The following TPRG1 variants were observed in gnomAD, a reference collection of about 807,000 sequenced individuals.
TPRG1 encodes the protein tumor protein p63 regulated 1.
In TPRG1, 29 loss-of-function variants were observed where a neutral mutation model predicts 29.3. The ratio of observed to expected loss-of-function variants is 0.99; its 90% CI spans 0.74 to 1.35. TPRG1 has a LOEUF of 1.35. Ranked by LOEUF, TPRG1 falls within the 40% of genes most tolerant of loss-of-function variation. The probability of loss-of-function intolerance (pLI) is 0.00; values close to 1 mark genes in which losing one functional copy is unlikely to be tolerated. For synonymous variants in TPRG1, 130 were observed against 116.8 expected (o/e 1.11, Z -0.73); for missense variants, 327 against 335.0 (o/e 0.98, Z 0.19).
chr3:189,110,283 G>A (rs988424272), intron 1 of TPRG1, among the ~76,000 whole-genome samples: 14 of 152,112 alleles, frequency 9.2e-5, no homozygotes, highest in African/African-American at 3.1e-4. Context: ...AAATAAATTC[G>A]TTATGTTAAG....
At chr3:189,111,557 C>A (rs1344875434) in intron 1 of TPRG1, among the ~76,000 whole-genome samples, 3 of 152,016 alleles carry the variant, frequency 2.0e-5, no homozygotes, top group African/African-American at 7.2e-5. Flanking sequence ...CAAATCTTGT[C>A]TAATAATTGT....
intron 3 of TPRG1, 167 bp from the exon 4 acceptor site, chr3:189,238,566 G>T: frequency 8.6e-6 from 4 of 464,058 alleles, no homozygotes; most frequent in Non-Finnish European, 1.5e-5. Flanking sequence ...CTTTAGTCAT[G>T]GGACCAGACT....
At chr3:189,301,224 G>T (rs546166621) in intron 4 of TPRG1, among the ~76,000 whole-genome samples, 2 of 148,538 alleles carry the variant, frequency 1.3e-5, no homozygotes, top group African/African-American at 5.0e-5. Flanking sequence ...ACTTGAACCT[G>T]GGAGGGAGAG....
chr3:189,111,064 C>T (rs1338586275), intron 1 of TPRG1, among the ~76,000 whole-genome samples: 2 of 151,312 alleles, frequency 1.3e-5, no homozygotes, highest in Admixed American at 6.6e-5. Flanking sequence ...TTTTCTCTGC[C>T]TTTCCTTGGA....
intron 4 of TPRG1, among the ~76,000 whole-genome samples, chr3:189,089,229 A>T (rs1424385959): frequency 1.3e-5 from 2 of 152,326 alleles, no homozygotes; most frequent in African/African-American, 4.8e-5. Flanking sequence ...AATAGAATTC[A>T]TCTGTAGAAT....
intron 4 of TPRG1, among the ~76,000 whole-genome samples, chr3:189,282,942 G>A (rs1717410649): frequency 1.3e-5 from 2 of 152,228 alleles, no homozygotes; most frequent in South Asian, 4.1e-4. Context: ...CTCTTAGTGT[G>A]TGGGTTTAAG....
At position 188,999,581 on chromosome 3, in the gene TPRG1, C is replaced by A. The variant is rs6783877; in HGVS notation, c.-1015-1193C>A. ...AAAATAACTTATTTGCCCTTTTTTT[C>A]TTATGAGGAGAATAAGTAATACACA... On this transcript the variant is annotated intron_variant, in intron 1 of 10. Coordinates refer to the TPRG1 transcript ENST00000433971. 7.6e-4 allele frequency among the ~76,000 whole-genome samples: 116 copies of A among 151,926 alleles called. 1 individual carries two copies. The highest frequency in any genetic ancestry group is 2.6e-3 in the African/African-American group (107 of 41,462).
intron 4 of TPRG1, among the ~76,000 whole-genome samples, chr3:189,250,517 C>CA (rs1553931506): frequency 1.9e-5 from 2 of 107,810 alleles, no homozygotes; most frequent in Non-Finnish European, 3.9e-5. Flanking sequence ...CCCCCCCCCC[C>CA]ACCCAGATTA....
At chr3:189,160,490 T>C (rs1727326504) in intron 5 of TPRG1, among the ~76,000 whole-genome samples, 2 of 152,212 alleles carry the variant, frequency 1.3e-5, no homozygotes, top group Admixed American at 1.3e-4. Flanking sequence ...TTAGTAAATT[T>C]CATTTTGAAT....
chr3:189,139,735 C>G (rs1277932244), intron 3 of TPRG1, among the ~76,000 whole-genome samples: 1 of 151,708 alleles, frequency 6.6e-6, no homozygotes, highest in African/African-American at 2.4e-5. Context: ...TTACAGTCCC[C>G]CATGGCATCT....
At chr3:189,080,520 G>A (rs1022102635) in intron 4 of TPRG1, among the ~76,000 whole-genome samples, 1 of 152,148 alleles carries the variant, frequency 6.6e-6, no homozygotes, top group Admixed American at 6.5e-5. Flanking sequence ...TAGAGGGCAA[G>A]GGAACCTTAT....
rs550712818 is a variant in TPRG1, at chr3:189,280,120, A to T, written c.480-30266A>T. Among the ~76,000 whole-genome samples the T allele has an allele frequency of 1.1e-4, 16 of 152,264 alleles. No homozygotes were observed. The Middle Eastern group carries it at 0.01, about 98-fold the overall frequency. On this transcript the variant is annotated intron_variant, in intron 4 of 5. Coordinates refer to ENST00000345063, the MANE Select transcript of TPRG1 (RefSeq NM_198485.4). ...GTAGCTCAGGGACTTATCTGTTAAC[A>T]TATATCTCATATCAGCACCTGTTGT...
At chr3:189,284,874 C>T (rs1313787349) in intron 4 of TPRG1, among the ~76,000 whole-genome samples, 1 of 152,176 alleles carries the variant, frequency 6.6e-6, no homozygotes, top group Non-Finnish European at 1.5e-5. Context: ...AGGACATAGG[C>T]ATGGACAAGG....
intron 1 of TPRG1, among the ~76,000 whole-genome samples, chr3:188,999,973 A>G (rs1317333564): frequency 5.3e-5 from 8 of 152,180 alleles, no homozygotes; most frequent in Admixed American, 3.3e-4. Flanking sequence ...GCCAAATATT[A>G]TACCCTTTTA....
chr3:189,287,077 C>T (rs1718180050), intron 4 of TPRG1, among the ~76,000 whole-genome samples: 1 of 152,046 alleles, frequency 6.6e-6, no homozygotes, highest in Admixed American at 6.6e-5. Context: ...ATTTTGCTGT[C>T]TTTTGCCTGA....
intron 4 of TPRG1, among the ~76,000 whole-genome samples, chr3:189,027,522 T>C (rs1277012682): frequency 6.6e-6 from 1 of 152,208 alleles, no homozygotes; most frequent in Non-Finnish European, 1.5e-5. Context: ...ACACGCATGG[T>C]GTATGCAAGA....
At chr3:189,318,127 C>G (rs1451350938) in intron 5 of TPRG1, among the ~76,000 whole-genome samples, 5 of 152,116 alleles carry the variant, frequency 3.3e-5, no homozygotes, top group Non-Finnish European at 7.4e-5. Context: ...CAGGAGACTT[C>G]CTTCTATACA....
At chr3:189,170,120 G>A (rs1397365857), upstream of TPRG1, among the ~76,000 whole-genome samples, 2 of 152,112 alleles carry the variant, frequency 1.3e-5, no homozygotes, top group African/African-American at 4.8e-5. Context: ...AAGAGACCAG[G>A]CTGGGATCCA....
intron 4 of TPRG1, among the ~76,000 whole-genome samples, chr3:189,266,396 G>A (rs942012103): frequency 3.3e-5 from 5 of 152,182 alleles, no homozygotes; most frequent in African/African-American, 1.2e-4. Flanking sequence ...CAGAACTACA[G>A]TCTGTACTGT....
Sources: gnomAD v4.1 joint callset for allele counts (sites outside exome capture counted in the v4.1 genomes callset) on GRCh38, gnomAD v4.1.1 for gene constraint, MANE v1.5 for transcripts, NCBI Gene and HGNC (gene_info 2026-07-23, HGNC 2026-07-21) for gene names.